MTA2: variants seen among roughly 807,000 people sequenced by gnomAD.
The protein encoded by MTA2 is metastasis-associated protein MTA2.
Under a neutral mutation model 87.1 loss-of-function variants are expected in MTA2, and 22 were observed. That is an observed-to-expected ratio of 0.25 (90% confidence interval 0.18 to 0.36). MTA2 has a LOEUF of 0.36. Among genes scored for constraint, MTA2 ranks in the 10% least tolerant of loss-of-function variants. The pLI, the probability that MTA2 is intolerant of heterozygous loss-of-function variation, is 1.00. For missense variants in MTA2, 542 were observed against 853.2 expected (o/e 0.64, Z 4.54); for synonymous variants, 314 against 310.1 (o/e 1.01, Z -0.13).
chr11:62,598,184 A>G, intron 5 of MTA2, 43 bp from the exon 6 acceptor site: 2 of 1,599,026 alleles, frequency 1.3e-6, no homozygotes, highest in Non-Finnish European at 1.7e-6. Flanking sequence ...AGCAATCCAC[A>G]TAGGCGGCGG....
At position 62,593,554 on chromosome 11, in the gene MTA2, G is replaced by T; in HGVS notation, c.*321C>A. Reference sequence around the variant, plus strand: ...TCCCCTCCCCATCCCCTTTCACAAAGGGAGGCAAAATTTTTAAAAAATTAA... The same window carrying T: ...TCCCCTCCCCATCCCCTTTCACAAATGGAGGCAAAATTTTTAAAAAATTAA... On this transcript the variant is annotated 3_prime_UTR_variant, in exon 18 of 18. Coordinates refer to ENST00000278823, the MANE Select transcript of MTA2 (RefSeq NM_004739.4). 1 of 198,790 alleles carries T rather than the reference G, an allele frequency of 5.0e-6. No individual in the cohort carries two copies. Among genetic ancestry groups the T allele is most frequent in the East Asian group, 1.4e-4 (1 of 7,264 alleles). 12.3% of individuals were successfully genotyped at this position (198,790 alleles called of 1,614,324 possible). A position where few individuals can be genotyped will look rare whatever the true frequency, so the allele number is the denominator to read the frequency against.
chr11:62,597,960 A>G (rs941826000), intron 6 of MTA2, 64 bp downstream of exon 6: 7 of 1,393,300 alleles, frequency 5.0e-6, no homozygotes, highest in Non-Finnish European at 7.1e-6. Context: ...CAGAGACTAT[A>G]ATGTTAAAGT....
chr11:62,598,424 C>T, intron 4 of MTA2, 34 bp from the exon 5 acceptor site: 1 of 1,610,028 alleles, frequency 6.2e-7, no homozygotes, highest in Admixed American at 1.7e-5. Flanking sequence ...CCCGGTGAGC[C>T]CCACTCTCCC....
chr11:62,597,627 C>T lies in MTA2; in HGVS notation c.576G>A (p.Gln192=), dbSNP rs753124381. The T allele has an allele frequency of 1.2e-6, 2 of 1,614,180 alleles. No individual in the cohort carries two copies. Among genetic ancestry groups the T allele is most frequent in the South Asian group, 2.2e-5 (2 of 91,084 alleles). Residue 192 remains glutamine, a synonymous_variant, in exon 7 of 18, where the codon CAG becomes CAA. Transcript: ENST00000278823. ...CCCCTCACCGGGCCACCACAAGAAA[C>T]TGGTCGATCTGCCGGTCTGTGAGAG... ...DNPLTDRQID[Q]FLVVARAVGT...
rs375677600 is a variant in MTA2 at position 62,596,820 on chromosome 11, G to A, written c.699C>T (p.His233=). 13 of 1,599,570 alleles carry A rather than the reference G, an allele frequency of 8.1e-6. No homozygotes were observed. Among genetic ancestry groups the A allele is most frequent in the Admixed American group, 7.0e-5 (4 of 57,154 alleles). The change falls in exon 9 of 18, where the codon CAC becomes CAT. Residue 233 remains histidine (H), a synonymous_variant. Transcript: ENST00000278823. ...CGTTCCTTTGCAAGGTATCCATGGC[G>A]TGAAACTATGGGGAAGATGGAGAGC... ...AAASRDITLF[H]AMDTLQRNGY...
chr11:62,601,735 A>C lies in MTA2; in HGVS notation c.-285T>G. 1 of 516,306 alleles carries C rather than the reference A, an allele frequency of 1.9e-6. No homozygotes were observed. Among genetic ancestry groups the C allele is most frequent in the Non-Finnish European group, 3.4e-6 (1 of 296,280 alleles). The allele number at this position is 516,306 out of a possible 1,614,324, so 32.0% of individuals were successfully genotyped here. A position where few individuals can be genotyped will look rare whatever the true frequency, so the allele number is the denominator to read the frequency against. On this transcript the variant is annotated 5_prime_UTR_variant, in exon 1 of 18. Transcript: ENST00000278823. ...TCCTGCCAGGCCAGAGCCAGGCTCC[A>C]GCTACCCCCGCCCCCGCGGAGTCCC...
At chr11:62,599,254 G>A (rs1365139354) in intron 3 of MTA2, 1 of 153,710 alleles carries the variant, frequency 6.5e-6, no homozygotes, top group Non-Finnish European at 1.4e-5. Flanking sequence ...GGGAGCAGAA[G>A]AACCTCAGCC....
Position 62,594,303 on chromosome 11 carries a change from A to G in MTA2, c.1797T>C (p.Ala599=). The part of the protein sequence containing the change: ...PAAKRQKLNP[A]DAPNPVVFVA... The stretch of plus-strand genomic sequence containing the variant: ...CAAACACCACAGGATTGGGGGCATC[A>G]GCTGGGTTTAGTTTCTGACGCTTGG... The change falls in exon 17 of 18, where the codon GCT becomes GCC. Residue 599 remains alanine, a synonymous_variant. Coordinates refer to ENST00000278823, the MANE Select transcript of MTA2 (RefSeq NM_004739.4). The G allele has an allele frequency of 1.2e-6, 2 of 1,614,206 alleles. No homozygotes were observed. The highest frequency in any genetic ancestry group is 2.2e-5 in the South Asian group (2 of 91,086).
At chr11:62,601,143 G>C (rs1231581630) in intron 1 of MTA2, 1 of 531,836 alleles carries the variant, frequency 1.9e-6, no homozygotes, top group Non-Finnish European at 3.3e-6. Context: ...CAGCTCCTTC[G>C]GAACCGGTTC....
At position 62,598,575 on chromosome 11, in the gene MTA2, G is replaced by A; in HGVS notation, c.255C>T (p.His85=). 6.2e-7 allele frequency: 1 copy of A among 1,614,144 alleles called. No individual in the cohort carries two copies. Among genetic ancestry groups the A allele is most frequent in the Non-Finnish European group, 8.5e-7 (1 of 1,180,046 alleles). ...VSEQQRHQLK[H]RELFLSRQFE... Reference sequence around the variant, plus strand: ...ATTGCCGAGAAAGAAAAAGTTCCCGGTGCTTCAGTTGATGGCGCTGCTGCT... The same window carrying A: ...ATTGCCGAGAAAGAAAAAGTTCCCGATGCTTCAGTTGATGGCGCTGCTGCT... The change falls in exon 4 of 18, where the codon CAC becomes CAT. Residue 85 remains histidine (H), a synonymous_variant. Transcript: ENST00000278823.
intron 5 of MTA2, 42 bp downstream of exon 5, chr11:62,598,285 A>G (rs1376177614): frequency 1.2e-6 from 2 of 1,602,664 alleles, no homozygotes; most frequent in Non-Finnish European, 8.5e-7. Context: ...TTTGCGGGCA[A>G]TACCCATTCC....
rs140223827 is a variant in MTA2, at chr11:62,598,839, G to C, written c.191-200C>G. On this transcript the variant is annotated intron_variant, in intron 3 of 17. Transcript: ENST00000278823. ...ATCATAGATGCTCCCAACTCTATCA[G>C]TAATGCTTTTAGAGAAGAACTGCTG... Among the ~76,000 whole-genome samples the C allele has an allele frequency of 2.6e-5, 4 of 152,130 alleles. No homozygotes were observed. In the East Asian group the frequency reaches 7.7e-4, roughly 29 times the overall value.
chr11:62,594,093 C>G, intron 17 of MTA2, 53 bp from the exon 18 acceptor site: 1 of 1,554,752 alleles, frequency 6.4e-7, no homozygotes, highest in Non-Finnish European at 8.7e-7. Flanking sequence ...ACATTAAGAC[C>G]TCCAGGTGAA....
chr11:62,601,462 C>T lies in MTA2; in HGVS notation c.-12G>A, dbSNP rs1942198306. The T allele has an allele frequency of 3.7e-6, 6 of 1,608,366 alleles. No homozygotes were observed. Among genetic ancestry groups the T allele is most frequent in the Non-Finnish European group, 5.1e-6 (6 of 1,177,930 alleles). ...ATGTTGGCCGCCATGGCCGTTCCCG[C>T]CGCCGCCTCCGGCCGCACAAAGGGG... On this transcript the variant is annotated 5_prime_UTR_variant, in exon 1 of 18. Coordinates refer to ENST00000278823, the MANE Select transcript of MTA2 (RefSeq NM_004739.4).
Position 62,595,666 on chromosome 11 carries a change from A to T in MTA2, c.1254+86T>A, listed in dbSNP as rs953774230. 1.9e-6 allele frequency: 3 copies of T among 1,571,936 alleles called. No homozygotes were observed. Among genetic ancestry groups the T allele is most frequent in the Non-Finnish European group, 2.6e-6 (3 of 1,154,900 alleles). The stretch of plus-strand genomic sequence containing the variant: ...CCCGTCCATCAAACCATCACCATAT[A>T]AAGAGTTGAATATTCTGGCCTTCAC... On this transcript the variant is annotated intron_variant, in intron 13 of 17. Coordinates refer to ENST00000278823, the MANE Select transcript of MTA2 (RefSeq NM_004739.4). This position sits in a 1 kb window ranked among gnomAD's most constrained non-coding sequence, Gnocchi z 4.9.
chr11:62,601,334 G>A (rs896991991), intron 1 of MTA2, 89 bp downstream of exon 1: 26 of 1,502,586 alleles, frequency 1.7e-5, no homozygotes, highest in African/African-American at 1.3e-4. Flanking sequence ...CCCATACGCT[G>A]CGCCTCGCGC....
chr11:62,597,852 C>T (rs756468386), intron 6 of MTA2, 140 bp from the exon 7 acceptor site: 43 of 1,019,598 alleles, frequency 4.2e-5, no homozygotes, highest in Non-Finnish European at 6.1e-5. Flanking sequence ...CAACTGTTCC[C>T]ATTTTCCCTT....
Position 62,600,649 on chromosome 11 carries a change from C to A in MTA2, c.69G>T (p.Leu23=). The A allele has an allele frequency of 6.2e-7, 1 of 1,613,952 alleles. No homozygotes were observed. The highest frequency in any genetic ancestry group is 8.5e-7 in the Non-Finnish European group (1 of 1,179,960). The part of the protein sequence containing the change: ...YFENSSSNPY[L]VRRIEELNKT... ...TGTTGAGCTCCTCAATCCGTCTAACCAGGTAAGGATTGCTGGAAGAGTTCT... is the reference window on the plus strand; with the variant it reads ...TGTTGAGCTCCTCAATCCGTCTAACAAGGTAAGGATTGCTGGAAGAGTTCT... Residue 23 remains leucine, a synonymous_variant, in exon 2 of 18, where the codon CTG becomes CTT. Transcript: ENST00000278823.
At position 62,593,947 on chromosome 11, in the gene MTA2, C is replaced by T. The variant is rs1232829683; in HGVS notation, c.1935G>A (p.Val645=). 6.2e-7 allele frequency: 1 copy of T among 1,614,162 alleles called. No individual in the cohort carries two copies. The highest frequency in any genetic ancestry group is 8.5e-7 in the Non-Finnish European group (1 of 1,180,022). Residue 645 remains valine (V), a synonymous_variant, in exon 18 of 18, where the codon GTG becomes GTA. Transcript: ENST00000278823. The stretch of plus-strand genomic sequence containing the variant: ...GTGCAGGTAGAGGGACAGGGGGCCG[C>T]ACTGCAATCAGCGTTGGCTTCACCT... ...PLKVKPTLIA[V]RPPVPLPAPS...
Sources: allele counts gnomAD v4.1 joint callset (sites outside exome capture counted in the v4.1 genomes callset), GRCh38; gene constraint gnomAD v4.1.1; non-coding constraint Gnocchi (gnomAD v3.1); transcripts MANE v1.5; gene names NCBI Gene and HGNC (gene_info 2026-07-23, HGNC 2026-07-21).